TNFRSF11A: variants seen among roughly 807,000 people sequenced by gnomAD.
TNFRSF11A encodes tumor necrosis factor receptor superfamily member 11A.
A neutral mutation model predicts 55.7 loss-of-function variants in TNFRSF11A; 32 were observed. The observed-to-expected ratio is 0.57, with a 90% CI of 0.43 to 0.77. TNFRSF11A has a LOEUF of 0.77. Ranked by LOEUF, TNFRSF11A falls within the 30% of genes least tolerant of loss-of-function variation. TNFRSF11A has a pLI of 0.00. For missense variants in TNFRSF11A, 753 were observed against 809.8 expected (o/e 0.93, Z 0.85); for synonymous variants, 311 against 331.0 (o/e 0.94, Z 0.65).
rs1222741973 is a variant in TNFRSF11A, at chr18:62,333,313, C to T, written c.75+7886C>T. Among the ~76,000 whole-genome samples the T allele has an allele frequency of 2.0e-5, 3 of 152,192 alleles. No homozygotes were observed. The East Asian group carries it at 5.8e-4, about 29-fold the overall frequency. On this transcript the variant is annotated intron_variant, in intron 1 of 9. Coordinates refer to ENST00000586569, the MANE Select transcript of TNFRSF11A (RefSeq NM_003839.4). ...GAAATGCACCTTCTTATGCCCCCCA[C>T]CTACCGAATCAGAAACTCTGGGGGT...
chr18:62,325,944 A>G lies in TNFRSF11A; in HGVS notation c.75+517A>G, dbSNP rs1239035977. 6.6e-6 allele frequency among the ~76,000 whole-genome samples: 1 copy of G among 152,114 alleles called. No homozygotes were observed. Among genetic ancestry groups the G allele is most frequent in the Admixed American group, 6.5e-5 (1 of 15,286 alleles). Reference sequence around the variant, plus strand: ...GAGCCCCTTCGGGGACACCCCTGCCAGCTCGCCTGGAGGCCCCGCACGGCG... The same window carrying G: ...GAGCCCCTTCGGGGACACCCCTGCCGGCTCGCCTGGAGGCCCCGCACGGCG... On this transcript the variant is annotated intron_variant, in intron 1 of 9. Coordinates refer to ENST00000586569, the MANE Select transcript of TNFRSF11A (RefSeq NM_003839.4). The surrounding 1 kb of genome is among the most constrained non-coding windows in gnomAD (Gnocchi z 4.7).
chr18:62,382,995 G>C (rs765267979), intron 9 of TNFRSF11A, among the ~76,000 whole-genome samples: 1 of 152,192 alleles, frequency 6.6e-6, no homozygotes, highest in South Asian at 2.1e-4. Flanking sequence ...GCAGAAGGGC[G>C]TAGATACAGT....
chr18:62,351,430 A>G (rs1053307542), intron 3 of TNFRSF11A, among the ~76,000 whole-genome samples: 1 of 152,216 alleles, frequency 6.6e-6, no homozygotes, highest in African/African-American at 2.4e-5. Flanking sequence ...AATATAGTTC[A>G]TACATAGAAT....
chr18:62,354,316 A>AG, intron 3 of TNFRSF11A, 75 bp from the exon 4 acceptor site: 1 of 1,463,882 alleles, frequency 6.8e-7, no homozygotes, highest in Non-Finnish European at 9.0e-7. Flanking sequence ...TGGATGTTGG[A>AG]TAGCGCAGTC....
At chr18:62,362,490 C>CAAAAAAAAAAAA (rs57219485) in intron 7 of TNFRSF11A, among the ~76,000 whole-genome samples, 1 of 75,872 alleles carries the variant, frequency 1.3e-5, no homozygotes, top group Non-Finnish European at 2.4e-5. Flanking sequence ...AACTTCATCT[C>CAAAAAAAAAAAA]AAAAAAAAAA....
rs534970361 is a variant in TNFRSF11A, at chr18:62,369,506, C to A, written c.1567+22C>A. ...TCTGGTAAGTGACTTCCCAGTCTCT[C>A]ACTTCTGAGCAGAAGGGCCAGTTCT... On this transcript the variant is annotated intron_variant, in intron 9 of 9. Transcript: ENST00000586569. The A allele has an allele frequency of 1.6e-5, 26 of 1,601,094 alleles. No homozygotes were observed. In the South Asian group the frequency reaches 2.6e-4, roughly 16 times the overall value.
intron 3 of TNFRSF11A, among the ~76,000 whole-genome samples, chr18:62,352,314 T>C (rs1421518409): frequency 6.6e-6 from 1 of 152,216 alleles, no homozygotes; most frequent in East Asian, 1.9e-4. Context: ...CACTACTGGA[T>C]TGATCCTTGT....
chr18:62,344,714 C>G (rs1390680968), intron 1 of TNFRSF11A, among the ~76,000 whole-genome samples: 1 of 152,228 alleles, frequency 6.6e-6, no homozygotes, highest in Non-Finnish European at 1.5e-5. Context: ...TCTTCAGGCT[C>G]TTGCCAGCTG....
At chr18:62,379,595 A>G (rs1911125456) in intron 9 of TNFRSF11A, among the ~76,000 whole-genome samples, 1 of 152,226 alleles carries the variant, frequency 6.6e-6, no homozygotes, top group Non-Finnish European at 1.5e-5. Flanking sequence ...AGGTGGAAGG[A>G]AGAAAACTCT....
rs1478641553 is a variant in TNFRSF11A at position 62,326,240 on chromosome 18, T to TA, written c.75+813_75+814insA. Among the ~76,000 whole-genome samples, 3 of 152,196 alleles carry TA rather than the reference T, an allele frequency of 2.0e-5. No homozygotes were observed. In the East Asian group the frequency reaches 5.8e-4, roughly 29 times the overall value. On this transcript the variant is annotated intron_variant, in intron 1 of 9. Coordinates refer to ENST00000586569, the MANE Select transcript of TNFRSF11A (RefSeq NM_003839.4). ...TCGGCTGGGTCAGATTTCCCCTCTG[T>TA]TAACACTAGGTTAGGCTGCTGCCGT...
At chr18:62,361,870 G>C in intron 7 of TNFRSF11A, 77 bp downstream of exon 7, 1 of 1,286,404 alleles carries the variant, frequency 7.8e-7, no homozygotes, top group Non-Finnish European at 1.1e-6. Context: ...AAGTTGAGTA[G>C]ATTGTCTACT....
At chr18:62,374,849 C>T (rs1261282477) in intron 9 of TNFRSF11A, among the ~76,000 whole-genome samples, 1 of 152,118 alleles carries the variant, frequency 6.6e-6, no homozygotes, top group Non-Finnish European at 1.5e-5. Context: ...GTTACCTGAA[C>T]ATTTTTCTGG....
intron 9 of TNFRSF11A, among the ~76,000 whole-genome samples, chr18:62,371,477 C>G (rs528721067): frequency 1.3e-5 from 2 of 152,350 alleles, no homozygotes; most frequent in Non-Finnish European, 2.9e-5. Context: ...TTTTATTTCT[C>G]TAGCACTAAA....
At position 62,390,760 on chromosome 18, in the gene TNFRSF11A, T is replaced by A. The variant is rs931279158; in HGVS notation, c.*5726T>A. The stretch of plus-strand genomic sequence containing the variant: ...GGCTTTTATAGCCTCTCTCTTTCAA[T>A]GACAAAGAAACCATTAAAATGAATG... On this transcript the variant is annotated 3_prime_UTR_variant, in exon 10 of 10. Coordinates refer to ENST00000586569, the MANE Select transcript of TNFRSF11A (RefSeq NM_003839.4). The A allele has an allele frequency of 3.3e-5, 5 of 152,138 alleles. No homozygotes were observed. The highest frequency in any genetic ancestry group is 2.9e-5 in the Non-Finnish European group (2 of 68,040). 9.4% of individuals were successfully genotyped at this position (152,138 alleles called of 1,614,324 possible).
At chr18:62,361,423 G>A (rs910305297) in intron 6 of TNFRSF11A, among the ~76,000 whole-genome samples, 3 of 152,144 alleles carry the variant, frequency 2.0e-5, no homozygotes, top group African/African-American at 7.2e-5. Context: ...GCTGTTCTAA[G>A]GTAGAAACAC....
intron 9 of TNFRSF11A, among the ~76,000 whole-genome samples, chr18:62,371,383 A>T (rs891686050): frequency 2.0e-5 from 3 of 152,210 alleles, no homozygotes; most frequent in South Asian, 2.1e-4. Flanking sequence ...AGACACATGG[A>T]TCTTTTAATG....
chr18:62,367,421 A>G (rs1910170752), intron 8 of TNFRSF11A: 1 of 154,634 alleles, frequency 6.5e-6, no homozygotes, highest in African/African-American at 2.4e-5. Flanking sequence ...ACACAGTTCA[A>G]AATTATAGGA....
At chr18:62,367,815 A>G (rs1296771546) in intron 8 of TNFRSF11A, among the ~76,000 whole-genome samples, 1 of 89,104 alleles carries the variant, frequency 1.1e-5, no homozygotes, top group Non-Finnish European at 2.0e-5. Context: ...TTTTTTTGAG[A>G]CAGAATCTCA....
Position 62,348,789 on chromosome 18 carries a change from C to T in TNFRSF11A, c.157+540C>T, listed in dbSNP as rs565325509. ...ATTTCTGCAGCCCCAGTGAAAGCCACAGTCCACGGGGCCCGCACTCTCTCA... is the reference window on the plus strand; with the variant it reads ...ATTTCTGCAGCCCCAGTGAAAGCCATAGTCCACGGGGCCCGCACTCTCTCA... On this transcript the variant is annotated intron_variant, in intron 2 of 9. Coordinates refer to ENST00000586569, the MANE Select transcript of TNFRSF11A (RefSeq NM_003839.4). Among the ~76,000 whole-genome samples the T allele has an allele frequency of 3.7e-3, 567 of 152,364 alleles. 2 individuals carry two copies. Among genetic ancestry groups the T allele is most frequent in the Non-Finnish European group, 5.3e-3 (364 of 68,038 alleles).
Sources: gnomAD v4.1 joint callset for allele counts (sites outside exome capture counted in the v4.1 genomes callset) on GRCh38, gnomAD v4.1.1 for gene constraint, Gnocchi (gnomAD v3.1) non-coding constraint, MANE v1.5 for transcripts, NCBI Gene and HGNC (gene_info 2026-07-23, HGNC 2026-07-21) for gene names.